GDAP1L1: variants seen among roughly 807,000 people sequenced by gnomAD.
GDAP1L1 encodes the protein ganglioside-induced differentiation-associated protein 1-like 1.
In GDAP1L1, 21 loss-of-function variants were observed where a neutral mutation model predicts 37.1. The observed-to-expected ratio is 0.57, with a 90% CI of 0.40 to 0.81. The LOEUF (loss-of-function observed/expected upper bound fraction) is 0.81, where lower values mean the gene tolerates loss of function less well. Ranked by LOEUF, GDAP1L1 falls within the 40% of genes least tolerant of loss-of-function variation. The pLI is 0.00. For missense variants in GDAP1L1, 362 were observed against 491.6 expected, an observed-to-expected ratio of 0.74 and a Z score of 2.49; for synonymous variants, 193 against 209.1, an observed-to-expected ratio of 0.92 and a Z score of 0.67.
At chr20:44,272,302 G>A (rs996692272) in intron 5 of GDAP1L1, among the ~76,000 whole-genome samples, 2 of 152,182 alleles carry the variant, frequency 1.3e-5, no homozygotes, top group Non-Finnish European at 2.9e-5. Flanking sequence ...AGTATGGAGC[G>A]GTTTTGCAGC....
chr20:44,276,412 A>AAAAAG (rs1555801148), intron 5 of GDAP1L1, among the ~76,000 whole-genome samples: 1 of 113,308 alleles, frequency 8.8e-6, no homozygotes, highest in Non-Finnish European at 1.8e-5. Context: ...AGAAAAAAGA[A>AAAAAG]AAAGAAAGAA....
At position 44,247,368 on chromosome 20, in the gene GDAP1L1, T is replaced by C. The variant is rs753725320; in HGVS notation, c.34T>C (p.Cys12Arg). 4 of 1,613,420 alleles carry C rather than the reference T, an allele frequency of 2.5e-6. No homozygotes were observed. In the East Asian group the frequency reaches 8.9e-5, roughly 36 times the overall value. Reference protein sequence around the residue: ...ATPNNLTPTNCSWWPISALES... With the variant: ...ATPNNLTPTNRSWWPISALES... ...CCCCAACAATCTGACCCCCACCAAC[T>C]GCAGCTGGTGGCCCATCTCCGCGCT... is the stretch of plus-strand genomic sequence containing the variant. Residue 12 changes from cysteine to arginine, a missense_variant, in exon 1 of 6, where the codon TGC (cysteine) becomes CGC (arginine). Transcript: ENST00000342560.
intron 3 of GDAP1L1, among the ~76,000 whole-genome samples, chr20:44,260,826 G>C (rs1465952614): frequency 6.6e-6 from 1 of 152,168 alleles, no homozygotes; most frequent in Non-Finnish European, 1.5e-5. Flanking sequence ...GGAGGGTCTG[G>C]CAGAATTTGG....
chr20:44,254,067 A>G (rs2073494301), intron 1 of GDAP1L1, among the ~76,000 whole-genome samples: 1 of 152,200 alleles, frequency 6.6e-6, no homozygotes, highest in Non-Finnish European at 1.5e-5. Context: ...CCAGGTAAAG[A>G]CAAGAGAAGG....
Position 44,258,431 on chromosome 20 carries a change from C to T in GDAP1L1, c.374-3C>T, listed in dbSNP as rs1359168638. On this transcript the variant is annotated splice_region_variant and splice_polypyrimidine_tract_variant and intron_variant, in intron 2 of 5. Coordinates refer to ENST00000342560, the MANE Select transcript of GDAP1L1 (RefSeq NM_024034.6). ...CCTGCCCAGCCCCTGGCGGTGCCCA[C>T]AGAGCACGTGGTGGCCCTGATGCCC... The T allele has an allele frequency of 6.5e-7, 1 of 1,549,248 alleles. No homozygotes were observed. Among genetic ancestry groups the T allele is most frequent in the Non-Finnish European group, 8.7e-7 (1 of 1,146,242 alleles).
intron 5 of GDAP1L1, among the ~76,000 whole-genome samples, chr20:44,265,758 G>A (rs1374131317): frequency 5.9e-5 from 9 of 152,138 alleles, no homozygotes; most frequent in Admixed American, 5.9e-4. Context: ...TTCTCCAGAT[G>A]AGAAAACTGA....
intron 1 of GDAP1L1, among the ~76,000 whole-genome samples, chr20:44,250,863 G>T (rs1441647577): frequency 6.6e-6 from 1 of 152,174 alleles, no homozygotes; most frequent in African/African-American, 2.4e-5. Context: ...CAAGGTTCTA[G>T]TGCTGCCAGT....
At chr20:44,260,256 T>C (rs574438385) in intron 3 of GDAP1L1, among the ~76,000 whole-genome samples, 25 of 146,970 alleles carry the variant, frequency 1.7e-4, no homozygotes, top group African/African-American at 5.9e-4. Flanking sequence ...CTTCCTAAGA[T>C]ATATTAGTGA....
chr20:44,272,685 C>G (rs2062531813), intron 5 of GDAP1L1, among the ~76,000 whole-genome samples: 1 of 152,126 alleles, frequency 6.6e-6, no homozygotes, highest in South Asian at 2.1e-4. Flanking sequence ...GATCAGATAC[C>G]AGATTGCTGC....
At position 44,258,331 on chromosome 20, in the gene GDAP1L1, G is replaced by A. The variant is rs1383685389; in HGVS notation, c.374-103G>A. The A allele has an allele frequency of 6.1e-6, 7 of 1,138,732 alleles. No individual in the cohort carries two copies. In the East Asian group the frequency reaches 7.7e-5, roughly 13 times the overall value. 70.5% of individuals were successfully genotyped at this position (1,138,732 alleles called of 1,614,324 possible). ...CAAGCCCGAGCATGGGGGTGCCCAG[G>A]GCCTCTGGGCAGAGACATCTTGGGG... On this transcript the variant is annotated intron_variant, in intron 2 of 5. Coordinates refer to ENST00000342560, the MANE Select transcript of GDAP1L1 (RefSeq NM_024034.6).
At chr20:44,254,180 G>A (rs1324674679) in intron 1 of GDAP1L1, among the ~76,000 whole-genome samples, 1 of 152,104 alleles carries the variant, frequency 6.6e-6, no homozygotes, top group African/African-American at 2.4e-5. Flanking sequence ...CTGCTCCCAC[G>A]CATGCACACT....
chr20:44,252,313 A>G (rs982299449), intron 1 of GDAP1L1, among the ~76,000 whole-genome samples: 3 of 152,092 alleles, frequency 2.0e-5, no homozygotes, highest in African/African-American at 7.2e-5. Context: ...GGAGTTTGAG[A>G]CCAGTCTGGC....
Position 44,279,617 on chromosome 20 carries a change from C to A in GDAP1L1, c.*317C>A, listed in dbSNP as rs868699825. 2.0e-6 allele frequency: 1 copy of A among 502,660 alleles called. No individual in the cohort carries two copies. Among genetic ancestry groups the A allele is most frequent in the African/African-American group, 1.9e-5 (1 of 51,486 alleles). The allele number at this position is 502,660 out of a possible 1,614,324, so 31.1% of individuals were successfully genotyped here. Reference sequence around the variant, plus strand: ...TGGAACTGTGGAGACTGGTTAGGATCTGAGGTGAGTCCCAGGATGTTTCGT... The same window carrying A: ...TGGAACTGTGGAGACTGGTTAGGATATGAGGTGAGTCCCAGGATGTTTCGT... On this transcript the variant is annotated 3_prime_UTR_variant, in exon 6 of 6. Transcript: ENST00000342560.
At chr20:44,270,207 G>C (rs562632745) in intron 5 of GDAP1L1, among the ~76,000 whole-genome samples, 202 of 111,402 alleles carry the variant, frequency 1.8e-3, no homozygotes, top group African/African-American at 7.2e-3. Context: ...GTCTCGCTCT[G>C]TCGCCCAGGC....
At chr20:44,247,146 G>C (rs1478534683), upstream of GDAP1L1, 21 of 627,178 alleles carry the variant, frequency 3.3e-5, no homozygotes, top group Non-Finnish European at 5.8e-5. Flanking sequence ...GCGCGGGCCA[G>C]GGGGAGGAGG....
chr20:44,272,942 T>C (rs2062535506), intron 5 of GDAP1L1, among the ~76,000 whole-genome samples: 3 of 152,168 alleles, frequency 2.0e-5, no homozygotes, highest in Non-Finnish European at 4.4e-5. Context: ...AGGGCAAACA[T>C]GCAGTCTATG....
At chr20:44,277,180 A>G (rs2062591718) in intron 5 of GDAP1L1, among the ~76,000 whole-genome samples, 1 of 152,138 alleles carries the variant, frequency 6.6e-6, no homozygotes, top group African/African-American at 2.4e-5. Flanking sequence ...AACCGCCACC[A>G]TGCCTGGCTA....
chr20:44,247,251 G>T, upstream of GDAP1L1: 2 of 1,382,878 alleles, frequency 1.4e-6, no homozygotes, highest in Non-Finnish European at 2.0e-6. Flanking sequence ...AGAGGGGCAG[G>T]CTCGGCGAGG....
intron 3 of GDAP1L1, among the ~76,000 whole-genome samples, chr20:44,262,539 G>A (rs1000702782): frequency 6.6e-6 from 1 of 152,036 alleles, no homozygotes; most frequent in Non-Finnish European, 1.5e-5. Flanking sequence ...TCGTCCTCAA[G>A]GGTACAGTCT....
Sources: gnomAD v4.1 joint callset for allele counts (sites outside exome capture counted in the v4.1 genomes callset) on GRCh38, gnomAD v4.1.1 for gene constraint, MANE v1.5 for transcripts, NCBI Gene and HGNC (gene_info 2026-07-23, HGNC 2026-07-21) for gene names.